The following KCNT2 variants were observed in gnomAD, a reference collection of about 807,000 sequenced individuals.
KCNT2 encodes the protein potassium sodium-activated channel subfamily T member 2.
A neutral mutation model predicts 153.8 loss-of-function variants in KCNT2; 67 were observed. The ratio of observed to expected loss-of-function variants is 0.44; its 90% CI spans 0.36 to 0.53. KCNT2 has a LOEUF of 0.53. Among genes scored for constraint, KCNT2 ranks in the 20% least tolerant of loss-of-function variants. KCNT2 has a pLI of 0.00. For synonymous variants in KCNT2, 500 were observed against 458.8 expected (o/e 1.09, Z -1.15); for missense variants, 975 against 1,354.8 (o/e 0.72, Z 4.40).
At chr1:196,280,560 T>C (rs959128169) in intron 25 of KCNT2, among the ~76,000 whole-genome samples, 4 of 152,190 alleles carry the variant, frequency 2.6e-5, no homozygotes, top group Admixed American at 2.6e-4. Context: ...TTATTTGTAA[T>C]TAATTTGCTT....
chr1:196,260,273 T>C (rs1656885240), intron 25 of KCNT2, among the ~76,000 whole-genome samples: 1 of 151,802 alleles, frequency 6.6e-6, no homozygotes, highest in Non-Finnish European at 1.5e-5. Flanking sequence ...ATAATTCAAG[T>C]CACAAAACCA....
At chr1:196,552,900 A>G (rs1448535346) in intron 1 of KCNT2, among the ~76,000 whole-genome samples, 3 of 151,334 alleles carry the variant, frequency 2.0e-5, no homozygotes, top group Non-Finnish European at 4.4e-5. Flanking sequence ...GGTCACCTCA[A>G]ATCAGAAAAC....
At chr1:196,300,541 A>C (rs1246669855) in intron 22 of KCNT2, among the ~76,000 whole-genome samples, 1 of 152,100 alleles carries the variant, frequency 6.6e-6, no homozygotes, top group Non-Finnish European at 1.5e-5. Context: ...AGAGGAGGGC[A>C]ATGTCCTCAT....
At chr1:196,602,511 AC>A (rs954696936) in intron 1 of KCNT2, among the ~76,000 whole-genome samples, 15 of 152,228 alleles carry the variant, frequency 9.9e-5, no homozygotes, top group African/African-American at 3.6e-4. Flanking sequence ...TCACAGAAGT[AC>A]TACTAATACA....
intron 14 of KCNT2, among the ~76,000 whole-genome samples, chr1:196,359,913 T>C (rs149381442): frequency 1.5e-4 from 23 of 152,102 alleles, no homozygotes; most frequent in Non-Finnish European, 3.1e-4. Flanking sequence ...TACTAGAGCA[T>C]AGACAGCCTT....
intron 1 of KCNT2, among the ~76,000 whole-genome samples, chr1:196,541,557 A>G (rs1656373430): frequency 6.6e-6 from 1 of 152,194 alleles, no homozygotes; most frequent in Non-Finnish European, 1.5e-5. Context: ...AATGCTTTTA[A>G]GTTACAACAG....
chr1:196,344,153 C>T (rs1665934401), intron 14 of KCNT2, among the ~76,000 whole-genome samples: 1 of 152,160 alleles, frequency 6.6e-6, no homozygotes, highest in Non-Finnish European at 1.5e-5. Flanking sequence ...ACAGTATCAG[C>T]TTCATTGGGT....
chr1:196,250,938 A>G (rs1010335418), intron 26 of KCNT2, among the ~76,000 whole-genome samples: 2 of 152,088 alleles, frequency 1.3e-5, no homozygotes, highest in South Asian at 4.1e-4. Flanking sequence ...TCTCACCCCA[A>G]TTAAATGCTT....
intron 8 of KCNT2, among the ~76,000 whole-genome samples, chr1:196,462,132 T>C (rs1279447993): frequency 1.3e-5 from 2 of 151,728 alleles, no homozygotes; most frequent in Non-Finnish European, 3.0e-5. Context: ...TATTTCTCAA[T>C]AGTCCAAAAA....
intron 14 of KCNT2, among the ~76,000 whole-genome samples, chr1:196,346,464 G>A (rs1666152308): frequency 6.6e-6 from 1 of 152,034 alleles, no homozygotes; most frequent in Non-Finnish European, 1.5e-5. Flanking sequence ...ATCTGTGCCT[G>A]TATTAGAGGT....
intron 19 of KCNT2, among the ~76,000 whole-genome samples, chr1:196,323,600 T>C (rs746867347): frequency 1.1e-4 from 17 of 151,924 alleles, no homozygotes; most frequent in Non-Finnish European, 1.2e-4. Context: ...AGGTTTATAT[T>C]TGAAAACATT....
At chr1:196,373,024 A>C (rs2148332029) in intron 14 of KCNT2, 116 bp downstream of exon 14, 1 of 561,868 alleles carries the variant, frequency 1.8e-6, no homozygotes, top group South Asian at 2.5e-5. Flanking sequence ...CACAAATTCA[A>C]GTATAGGTAC....
chr1:196,334,483 C>CTTTTTTTTTTTTTTTTTTTTTTTTTT (rs757677685), intron 16 of KCNT2, among the ~76,000 whole-genome samples: 1 of 42,340 alleles, frequency 2.4e-5, no homozygotes, highest in Admixed American at 2.2e-4. Context: ...TTCTTTCTTT[C>CTTTTTTTTTTTTTTTTTTTTTTTTTT]TTTCTTTTTT....
chr1:196,433,696 T>C (rs1234472857), intron 8 of KCNT2, among the ~76,000 whole-genome samples: 1 of 152,096 alleles, frequency 6.6e-6, no homozygotes, highest in East Asian at 1.9e-4. Context: ...ATGACAACCA[T>C]GAAGAAATAA....
intron 26 of KCNT2, among the ~76,000 whole-genome samples, chr1:196,249,163 A>C (rs1655726467): frequency 6.6e-6 from 1 of 152,176 alleles, no homozygotes. Context: ...TCAACACAAT[A>C]AAACCATAAC....
intron 1 of KCNT2, among the ~76,000 whole-genome samples, chr1:196,543,513 T>TA (rs967776972): frequency 1.3e-5 from 2 of 152,048 alleles, no homozygotes; most frequent in African/African-American, 4.8e-5. Context: ...TCTTGGGAAA[T>TA]AAAATAAGTC....
chr1:196,467,572 G>T (rs755017256), intron 7 of KCNT2, 131 bp downstream of exon 7: 1 of 484,678 alleles, frequency 2.1e-6, no homozygotes, highest in Admixed American at 3.3e-5. Context: ...TGAGTTAAAC[G>T]TTATGGGAGA....
intron 26 of KCNT2, among the ~76,000 whole-genome samples, chr1:196,245,419 T>G (rs1311367660): frequency 6.6e-6 from 1 of 152,144 alleles, no homozygotes; most frequent in Non-Finnish European, 1.5e-5. Context: ...AAGCCCAGAT[T>G]GCAAAGAATA....
At chr1:196,250,201 C>T (rs994115790) in intron 26 of KCNT2, among the ~76,000 whole-genome samples, 3 of 152,014 alleles carry the variant, frequency 2.0e-5, no homozygotes, top group Non-Finnish European at 2.9e-5. Flanking sequence ...TATTATACTA[C>T]GGAGCTAAAG....
Sources: gnomAD v4.1 joint callset for allele counts (sites outside exome capture counted in the v4.1 genomes callset) on GRCh38, gnomAD v4.1.1 for gene constraint, MANE v1.5 for transcripts, NCBI Gene and HGNC (gene_info 2026-07-23, HGNC 2026-07-21) for gene names.